The following DNAJC1 variants were observed in gnomAD, a reference collection of about 807,000 sequenced individuals.
The protein encoded by DNAJC1 is DnaJ heat shock protein family (Hsp40) member C1, also known as dnaJ homolog subfamily C member 1.
In DNAJC1, 58 loss-of-function variants were observed where a neutral mutation model predicts 76.6. That is an observed-to-expected ratio of 0.76 (90% confidence interval 0.61 to 0.94). The LOEUF (loss-of-function observed/expected upper bound fraction) is 0.94. Among genes scored for constraint, DNAJC1 ranks in the 40% least tolerant of loss-of-function variants. The pLI is 0.00. For missense variants in DNAJC1, 689 were observed against 677.3 expected (o/e 1.02, Z -0.19); for synonymous variants, 258 against 267.9 (o/e 0.96, Z 0.36).
chr10:21,913,942 A>G (rs1378383586), intron 6 of DNAJC1, among the ~76,000 whole-genome samples: 1 of 152,004 alleles, frequency 6.6e-6, no homozygotes, highest in Non-Finnish European at 1.5e-5. Flanking sequence ...CACTTCCTGA[A>G]GCTCCCCCTG....
At chr10:21,988,691 T>C (rs1838284456) in intron 1 of DNAJC1, among the ~76,000 whole-genome samples, 1 of 152,154 alleles carries the variant, frequency 6.6e-6, no homozygotes, top group Non-Finnish European at 1.5e-5. Flanking sequence ...TTTTCTTTTG[T>C]GAATCTCTGA....
intron 1 of DNAJC1, among the ~76,000 whole-genome samples, chr10:21,940,307 A>T (rs1837385408): frequency 6.6e-6 from 1 of 152,188 alleles, no homozygotes; most frequent in African/African-American, 2.4e-5. Flanking sequence ...AGAAGTAGGG[A>T]GAGGCTTTGG....
intron 8 of DNAJC1, among the ~76,000 whole-genome samples, chr10:21,813,935 T>A (rs961269667): frequency 2.6e-5 from 4 of 152,306 alleles, no homozygotes; most frequent in African/African-American, 9.6e-5. Flanking sequence ...AAACTGCCCT[T>A]TGTCTCTGAC....
intron 10 of DNAJC1, among the ~76,000 whole-genome samples, 196 bp from the exon 11 acceptor site, chr10:21,759,814 CAGAA>C (rs1328659628): frequency 3.3e-5 from 5 of 152,202 alleles, no homozygotes; most frequent in East Asian, 1.9e-4. Context: ...AAAGAAGACT[CAGAA>C]AGCACTAGAG....
intron 8 of DNAJC1, among the ~76,000 whole-genome samples, chr10:21,834,221 G>T (rs918615662): frequency 6.6e-6 from 1 of 151,984 alleles, no homozygotes; most frequent in Non-Finnish European, 1.5e-5. Context: ...CTGAGATCGT[G>T]CCACTGCACT....
chr10:21,940,728 A>G (rs369233771), intron 1 of DNAJC1, among the ~76,000 whole-genome samples: 1 of 152,196 alleles, frequency 6.6e-6, no homozygotes, highest in Admixed American at 6.5e-5. Flanking sequence ...AAAAGACTGC[A>G]GCTTCAAGAG....
At position 21,919,814 on chromosome 10, in the gene DNAJC1, AT is replaced by A; in HGVS notation, c.635+17del. ...TTAAAACAGCTTCAAATTATAAAGT[AT>A]TTTTATATGCTCTCACCTTTCATTT... On this transcript the variant is annotated intron_variant, in intron 5 of 11. Coordinates refer to ENST00000376980, the MANE Select transcript of DNAJC1 (RefSeq NM_022365.4). 1 of 1,551,322 alleles carries A rather than the reference AT, an allele frequency of 6.4e-7. No individual in the cohort carries two copies.
At chr10:21,780,071 G>C (rs2131627150) in intron 9 of DNAJC1, among the ~76,000 whole-genome samples, 1 of 152,152 alleles carries the variant, frequency 6.6e-6, no homozygotes, top group East Asian at 1.9e-4. Context: ...AATGAACAAA[G>C]CCTCCAAGAA....
At chr10:21,761,995 C>T (rs974638869) in intron 10 of DNAJC1, among the ~76,000 whole-genome samples, 3 of 152,222 alleles carry the variant, frequency 2.0e-5, no homozygotes, top group African/African-American at 7.2e-5. Context: ...GCAACCTCTG[C>T]CTCCTGGGTT....
At chr10:21,878,578 T>C (rs1836223602) in intron 8 of DNAJC1, among the ~76,000 whole-genome samples, 1 of 152,222 alleles carries the variant, frequency 6.6e-6, no homozygotes, top group South Asian at 2.1e-4. Context: ...TACACTAGTA[T>C]CTACATACAT....
At chr10:21,842,989 A>C (rs1835597892) in intron 8 of DNAJC1, among the ~76,000 whole-genome samples, 1 of 152,218 alleles carries the variant, frequency 6.6e-6, no homozygotes, top group South Asian at 2.1e-4. Flanking sequence ...TAGTTGAATA[A>C]ATAAAAAGCA....
rs868457628 is a variant in DNAJC1 at position 21,918,807 on chromosome 10, G to A, written c.701C>T (p.Thr234Ile). 1 of 1,613,156 alleles carries A rather than the reference G, an allele frequency of 6.2e-7. No individual in the cohort carries two copies. The highest frequency in any genetic ancestry group is 8.5e-7 in the Non-Finnish European group (1 of 1,179,284). Residue 234 changes from threonine (T) to isoleucine (I), a missense_variant, in exon 6 of 12, where the codon ACA (threonine) becomes ATA (isoleucine). By Grantham distance (89) the Thr-to-Ile change is moderately conservative. Transcript: ENST00000376980. The part of the protein sequence containing the change: ...PCKLGIWFCL[T>I]LKALPHLIQD... Reference sequence around the variant, plus strand: ...GATGAGGTGAGGTAATGCTTTTAGTGTAAGGCAAAACCAAATCCCCAGTTT... The same window carrying A: ...GATGAGGTGAGGTAATGCTTTTAGTATAAGGCAAAACCAAATCCCCAGTTT...
chr10:21,932,047 C>G (rs1284110377), intron 1 of DNAJC1, among the ~76,000 whole-genome samples: 1 of 152,040 alleles, frequency 6.6e-6, no homozygotes, highest in African/African-American at 2.4e-5. Context: ...AACGAAAAAA[C>G]ACTCTGAGGC....
At position 21,942,816 on chromosome 10, in the gene DNAJC1, A is replaced by AG. The variant is rs1590060046; in HGVS notation, c.223-13676_223-13675insC. Among the ~76,000 whole-genome samples, 3 of 151,056 alleles carry AG rather than the reference A, an allele frequency of 2.0e-5. No individual in the cohort carries two copies. The East Asian group carries it at 5.8e-4, about 29-fold the overall frequency. On this transcript the variant is annotated intron_variant, in intron 1 of 11. Transcript: ENST00000376980. Reference sequence around the variant, plus strand: ...GCGAGACTCCATCTCAAAAAAAAAAAAAAAAAAAGAAAGAAAGAAAAAGAA... The same window carrying AG: ...GCGAGACTCCATCTCAAAAAAAAAAAGAAAAAAAAGAAAGAAAGAAAAAGAA...
chr10:21,917,386 TACAAAGAAG>T (rs1156900890), intron 6 of DNAJC1, among the ~76,000 whole-genome samples: 4 of 152,126 alleles, frequency 2.6e-5, no homozygotes, highest in Non-Finnish European at 5.9e-5. Context: ...AGATTAAAAT[TACAAAGAAG>T]TGTTTAATAT....
At chr10:21,908,526 A>G (rs1250617463) in intron 6 of DNAJC1, among the ~76,000 whole-genome samples, 1 of 150,386 alleles carries the variant, frequency 6.6e-6, no homozygotes, top group Non-Finnish European at 1.5e-5. Context: ...AAATTATAAT[A>G]AAATCGTTTA....
At chr10:21,816,699 C>A (rs1488715818) in intron 8 of DNAJC1, among the ~76,000 whole-genome samples, 1 of 150,818 alleles carries the variant, frequency 6.6e-6, no homozygotes, top group African/African-American at 2.4e-5. Context: ...GCGCCACCCA[C>A]CATGACCAGC....
intron 8 of DNAJC1, among the ~76,000 whole-genome samples, chr10:21,837,885 C>G (rs1200785351): frequency 7.4e-6 from 1 of 135,422 alleles, no homozygotes; most frequent in Non-Finnish European, 1.6e-5. Flanking sequence ...GGGCAGCCCC[C>G]GCCCGGCCAG....
chr10:21,877,793 C>A (rs990440002), intron 8 of DNAJC1, among the ~76,000 whole-genome samples: 1 of 152,294 alleles, frequency 6.6e-6, no homozygotes, highest in East Asian at 1.9e-4. Context: ...GGTTGGGGCG[C>A]CAACCCCTGG....
Sources: gnomAD v4.1 joint callset for allele counts (sites outside exome capture counted in the v4.1 genomes callset) on GRCh38, gnomAD v4.1.1 for gene constraint, MANE v1.5 for transcripts, NCBI Gene and HGNC (gene_info 2026-07-23, HGNC 2026-07-21) for gene names.